SLC20A2: variants seen among roughly 807,000 people sequenced by gnomAD.
SLC20A2 encodes the protein sodium-dependent phosphate transporter 2.
SLC20A2 carries 30 observed loss-of-function variants against 61.0 expected under a neutral mutation model. The observed-to-expected ratio is 0.49, with a 90% CI of 0.37 to 0.67. The LOEUF (loss-of-function observed/expected upper bound fraction) is 0.67, where lower values mean the gene tolerates loss of function less well. Ranked by LOEUF, SLC20A2 falls within the 30% of genes least tolerant of loss-of-function variation. The probability of loss-of-function intolerance (pLI) is 0.00; values close to 1 mark genes in which losing one functional copy is unlikely to be tolerated. For missense variants in SLC20A2, 626 were observed against 866.4 expected (o/e 0.72, Z 3.48); for synonymous variants, 351 against 353.3 (o/e 0.99, Z 0.07).
intron 1 of SLC20A2, among the ~76,000 whole-genome samples, chr8:42,481,642 C>A (rs1808559788): frequency 6.6e-6 from 1 of 152,198 alleles, no homozygotes; most frequent in Admixed American, 6.5e-5. Context: ...CAACCAGAGA[C>A]CACAGGGCCA....
chr8:42,526,469 C>G lies in SLC20A2; in HGVS notation c.-265+15352G>C, dbSNP rs370982151. 1.0e-3 allele frequency among the ~76,000 whole-genome samples: 158 copies of G among 151,868 alleles called. 1 individual carries two copies. The highest frequency in any genetic ancestry group is 3.5e-3 in the African/African-American group (143 of 41,420). ...TGGGCGGATCACTAGGTCAGGAGATCGAGACCCTCCTGGCTAACACAGTGA... is the reference window on the plus strand; with the variant it reads ...TGGGCGGATCACTAGGTCAGGAGATGGAGACCCTCCTGGCTAACACAGTGA... On this transcript the variant is annotated intron_variant, in intron 1 of 10. Coordinates refer to the SLC20A2 transcript ENST00000342228.
At chr8:42,425,045 C>CAAACA (rs755675616) in intron 10 of SLC20A2, among the ~76,000 whole-genome samples, 47 of 152,234 alleles carry the variant, frequency 3.1e-4, no homozygotes, top group East Asian at 3.1e-3. Flanking sequence ...GACTCTGTCT[C>CAAACA]AAACAAAACA....
In SLC20A2 at chr8:42,437,706, C is replaced by T. The variant is rs1334038921; in HGVS notation, c.935-129G>A. The T allele has an allele frequency of 4.2e-6, 3 of 715,648 alleles. No homozygotes were observed. The highest frequency in any genetic ancestry group is 6.4e-6 in the Non-Finnish European group (3 of 467,126). The allele number at this position is 715,648 out of a possible 1,614,324, so 44.3% of individuals were successfully genotyped here. On this transcript the variant is annotated intron_variant, in intron 7 of 10. Coordinates refer to ENST00000520262, the MANE Select transcript of SLC20A2 (RefSeq NM_001257180.2). This position sits in a 1 kb window ranked among gnomAD's most constrained non-coding sequence, Gnocchi z 6.4. ...CAATCTCGGCTCACTGCAACCTTCG[C>T]CTCCCGGGTTCAAGCGATTCTCCCT...
intron 1 of SLC20A2, chr8:42,485,067 C>T (rs1412502603): frequency 4.7e-6 from 1 of 210,700 alleles, no homozygotes; most frequent in African/African-American, 2.4e-5. Flanking sequence ...GCCTCCAGCC[C>T]ACCTTTCCTC....
At chr8:42,422,301 C>T (rs1269968321) in intron 10 of SLC20A2, among the ~76,000 whole-genome samples, 4 of 152,226 alleles carry the variant, frequency 2.6e-5, no homozygotes, top group Non-Finnish European at 5.9e-5. Context: ...GATCTGCCCA[C>T]CTCAGCCTCC....
chr8:42,437,090 C>T lies in SLC20A2; in HGVS notation c.1422G>A (p.Glu474=). ...DQPREDPAEE[E]KEEKDAPEVH... ...CCTCGGGTGCGTCCTTCTCCTCCTTCTCCTCCTCTGCAGGGTCCTCTCGCG... is the reference window on the plus strand; with the variant it reads ...CCTCGGGTGCGTCCTTCTCCTCCTTTTCCTCCTCTGCAGGGTCCTCTCGCG... Residue 474 remains glutamate (E), a synonymous_variant, in exon 8 of 11, where the codon GAG becomes GAA. Transcript: ENST00000520262. This position sits in a 1 kb window ranked among gnomAD's most constrained non-coding sequence, Gnocchi z 6.4. 1.2e-6 allele frequency: 2 copies of T among 1,614,104 alleles called. No individual in the cohort carries two copies. The highest frequency in any genetic ancestry group is 1.7e-6 in the Non-Finnish European group (2 of 1,180,038).
At chr8:42,528,458 T>A (rs1226187834) in intron 1 of SLC20A2, among the ~76,000 whole-genome samples, 1 of 147,318 alleles carries the variant, frequency 6.8e-6, no homozygotes, top group Non-Finnish European at 1.5e-5. Context: ...CGAGACTCCA[T>A]CTCAAAAAAA....
chr8:42,499,751 G>A (rs1350593700), intron 1 of SLC20A2, among the ~76,000 whole-genome samples: 1 of 152,046 alleles, frequency 6.6e-6, no homozygotes, highest in African/African-American at 2.4e-5. Flanking sequence ...ATATTATGAA[G>A]GATTACCGGA....
chr8:42,508,643 G>A (rs1044213364), intron 1 of SLC20A2, among the ~76,000 whole-genome samples: 3 of 151,990 alleles, frequency 2.0e-5, no homozygotes, highest in Admixed American at 6.6e-5. Flanking sequence ...CGTCCGCCTC[G>A]GCCTCCCAAA....
chr8:42,423,541 T>C (rs1463651433), intron 10 of SLC20A2, among the ~76,000 whole-genome samples: 2 of 152,114 alleles, frequency 1.3e-5, no homozygotes, highest in Non-Finnish European at 2.9e-5. Context: ...GATTTTAGGA[T>C]TTTTATAAAT....
intron 1 of SLC20A2, among the ~76,000 whole-genome samples, chr8:42,514,369 A>G (rs1043499382): frequency 5.9e-5 from 9 of 152,250 alleles, no homozygotes; most frequent in African/African-American, 2.2e-4. Flanking sequence ...GAGAACTGTC[A>G]GTTTATAGGC....
At chr8:42,513,134 A>C (rs1343807127) in intron 1 of SLC20A2, among the ~76,000 whole-genome samples, 1 of 152,220 alleles carries the variant, frequency 6.6e-6, no homozygotes, top group Non-Finnish European at 1.5e-5. Flanking sequence ...CAATTCTGAG[A>C]TGCATGGAGG....
chr8:42,459,956 C>G lies in SLC20A2; in HGVS notation c.553G>C (p.Val185Leu), dbSNP rs188325552. The stretch of plus-strand genomic sequence containing the variant: ...ATTGCTATGGTAGCAGCATAGAATA[C>G]TGGGAGTGCCCGGAGGCCATTGGGA... ...PVPNGLRALP[V>L]FYAATIAINV... is the part of the protein sequence containing the mutation. Residue 185 changes from valine (V) to leucine (L), a missense_variant, in exon 5 of 11, where the codon GTA becomes CTA. Coordinates refer to ENST00000520262, the MANE Select transcript of SLC20A2 (RefSeq NM_001257180.2). 9.9e-6 allele frequency: 16 copies of G among 1,613,304 alleles called. No homozygotes were observed. In the East Asian group the frequency reaches 3.6e-4, roughly 36 times the overall value.
chr8:42,454,635 T>G (rs542633631), intron 5 of SLC20A2, among the ~76,000 whole-genome samples: 1 of 152,166 alleles, frequency 6.6e-6, no homozygotes, highest in South Asian at 2.1e-4. Flanking sequence ...TTTTTTTTTT[T>G]TGAGACAGGG....
chr8:42,474,871 A>AG (rs1207504775), intron 1 of SLC20A2, among the ~76,000 whole-genome samples: 1 of 144,208 alleles, frequency 6.9e-6, no homozygotes, highest in Non-Finnish European at 1.5e-5. Flanking sequence ...ATGGTGTAGC[A>AG]GGCAGCAAAG....
At chr8:42,481,446 T>A (rs1187630054) in intron 1 of SLC20A2, among the ~76,000 whole-genome samples, 3 of 151,768 alleles carry the variant, frequency 2.0e-5, no homozygotes, top group Non-Finnish European at 2.9e-5. Flanking sequence ...TGATAGGAGG[T>A]CCAACTCTGG....
intron 1 of SLC20A2, among the ~76,000 whole-genome samples, chr8:42,495,088 C>A (rs985477357): frequency 3.3e-5 from 5 of 151,842 alleles, no homozygotes; most frequent in Non-Finnish European, 7.4e-5. Context: ...ATCTCCTGAC[C>A]TCGTGATCCA....
chr8:42,531,628 C>A (rs142322475), intron 1 of SLC20A2, among the ~76,000 whole-genome samples: 1 of 152,156 alleles, frequency 6.6e-6, no homozygotes, highest in East Asian at 1.9e-4. Context: ...CACAATGCTA[C>A]AACTACAGGG....
intron 1 of SLC20A2, among the ~76,000 whole-genome samples, chr8:42,496,507 A>G (rs1306757018): frequency 6.6e-6 from 1 of 152,344 alleles, no homozygotes; most frequent in Non-Finnish European, 1.5e-5. Context: ...GGGAAAGGTG[A>G]GAATGGCCAC....
Sources: gnomAD v4.1 joint callset for allele counts (sites outside exome capture counted in the v4.1 genomes callset) on GRCh38, gnomAD v4.1.1 for gene constraint, Gnocchi (gnomAD v3.1) non-coding constraint, MANE v1.5 for transcripts, NCBI Gene and HGNC (gene_info 2026-07-23, HGNC 2026-07-21) for gene names.